The following BCAT1 variants were observed in gnomAD, a reference collection of about 807,000 sequenced individuals.
The protein encoded by BCAT1 is branched chain amino acid transaminase 1.
BCAT1 carries 48 observed loss-of-function variants against 52.4 expected under a neutral mutation model. The observed-to-expected ratio is 0.92, with a 90% CI of 0.73 to 1.16. The LOEUF (loss-of-function observed/expected upper bound fraction) is 1.16, where lower values mean the gene tolerates loss of function less well. BCAT1 is among the 50% of genes most tolerant of loss of function. The pLI, the probability that BCAT1 is intolerant of heterozygous loss-of-function variation, is 0.00. For synonymous variants in BCAT1, 167 were observed against 161.3 expected, an observed-to-expected ratio of 1.04 and a Z score of -0.27; for missense variants, 451 against 457.1, an observed-to-expected ratio of 0.99 and a Z score of 0.12.
rs74808230 is a variant in BCAT1 at position 24,948,243 on chromosome 12, A to G, written c.6+684T>C. Among the ~76,000 whole-genome samples, 11 of 152,374 alleles carry G rather than the reference A, an allele frequency of 7.2e-5. No individual in the cohort carries two copies. In the East Asian group the frequency reaches 1.9e-3, roughly 27 times the overall value. ...TCCAGTGTGTGAAACTAGGAAAACA[A>G]AACACTCAACGGTGTACATCCCTAC... is the stretch of plus-strand genomic sequence containing the variant. On this transcript the variant is annotated intron_variant, in intron 1 of 10. Transcript: ENST00000261192.
At chr12:24,848,780 T>C (rs1428224935) in intron 6 of BCAT1, among the ~76,000 whole-genome samples, 1 of 152,228 alleles carries the variant, frequency 6.6e-6, no homozygotes, top group Non-Finnish European at 1.5e-5. Context: ...GAGAATAGAC[T>C]TCCTAGTTTT....
intron 1 of BCAT1, among the ~76,000 whole-genome samples, chr12:24,945,082 T>C (rs979355683): frequency 6.6e-6 from 1 of 152,236 alleles, no homozygotes; most frequent in African/African-American, 2.4e-5. Flanking sequence ...ATATGAGTAC[T>C]CAATTTTTAG....
rs1939785343 is a variant in BCAT1 at position 24,814,049 on chromosome 12, C to T, written c.*3959G>A. On this transcript the variant is annotated 3_prime_UTR_variant, in exon 11 of 11. Coordinates refer to ENST00000261192, the MANE Select transcript of BCAT1 (RefSeq NM_005504.7). ...TTGAAAAGCTGGTACCCTTTGCCTC[C>T]TTTTGTGGGGAGATATCTGGAAAAT... is the stretch of plus-strand genomic sequence containing the variant. 1 of 152,088 alleles carries T rather than the reference C, an allele frequency of 6.6e-6. No homozygotes were observed. The highest frequency in any genetic ancestry group is 2.4e-5 in the African/African-American group (1 of 41,428). 9.4% of individuals were successfully genotyped at this position (152,088 alleles called of 1,614,324 possible). A position where few individuals can be genotyped will look rare whatever the true frequency, so the allele number is the denominator to read the frequency against.
At chr12:24,910,921 T>A (rs1943314368) in intron 1 of BCAT1, among the ~76,000 whole-genome samples, 1 of 152,164 alleles carries the variant, frequency 6.6e-6, no homozygotes, top group South Asian at 2.1e-4. Context: ...CTGGCCAACA[T>A]GGTAAAACCC....
intron 10 of BCAT1, among the ~76,000 whole-genome samples, chr12:24,820,833 C>T (rs939229008): frequency 1.3e-5 from 2 of 152,054 alleles, no homozygotes; most frequent in Admixed American, 6.6e-5. Context: ...TACGGCTTTG[C>T]TAAATGCCTT....
intron 8 of BCAT1, among the ~76,000 whole-genome samples, chr12:24,835,916 T>C (rs1477215617): frequency 2.0e-5 from 3 of 152,198 alleles, no homozygotes; most frequent in Non-Finnish European, 4.4e-5. Flanking sequence ...TATGCTTGCC[T>C]GTGTCACACG....
At chr12:24,949,171 TC>T (rs1403239561), upstream of BCAT1, 3 of 537,348 alleles carry the variant, frequency 5.6e-6, no homozygotes, top group Non-Finnish European at 9.9e-6. Flanking sequence ...CTAAGGCTGC[TC>T]CCCCAGGCCG....
chr12:24,856,225 G>A (rs187806553), intron 5 of BCAT1, among the ~76,000 whole-genome samples: 6 of 152,256 alleles, frequency 3.9e-5, no homozygotes, highest in South Asian at 4.1e-4. Flanking sequence ...GGATGATAGA[G>A]CTTACTGCAC....
chr12:24,941,156 G>A (rs534210311), intron 1 of BCAT1, among the ~76,000 whole-genome samples: 189 of 152,242 alleles, frequency 1.2e-3, no homozygotes, highest in Non-Finnish European at 2.3e-3. Context: ...TGTTCATTAC[G>A]ATTTTTGTGG....
intron 1 of BCAT1, chr12:24,902,948 T>C (rs892319844): frequency 6.6e-7 from 1 of 1,509,730 alleles, no homozygotes; most frequent in Admixed American, 2.0e-5. Flanking sequence ...TCGAGGTACC[T>C]GGCGGGCAAG....
At chr12:24,892,093 T>TGTTTTGTTTTGTTTC (rs1555112478) in intron 3 of BCAT1, among the ~76,000 whole-genome samples, 6 of 150,718 alleles carry the variant, frequency 4.0e-5, no homozygotes, top group Admixed American at 6.6e-5. Flanking sequence ...TGTTTTGTTT[T>TGTTTTGTTTTGTTTC]GTTTCAATAG....
intron 1 of BCAT1, among the ~76,000 whole-genome samples, chr12:24,930,721 T>G (rs1006183485): frequency 1.3e-5 from 2 of 152,142 alleles, no homozygotes; most frequent in Non-Finnish European, 2.9e-5. Context: ...CTTATTTCCT[T>G]TCTGTTCAAT....
intron 5 of BCAT1, among the ~76,000 whole-genome samples, chr12:24,857,382 G>C (rs1565466384): frequency 6.6e-6 from 1 of 152,180 alleles, no homozygotes; most frequent in Non-Finnish European, 1.5e-5. Context: ...TTTTGGTAAA[G>C]TTCAAAAGCC....
At chr12:24,898,593 G>A (rs1221069937) in intron 2 of BCAT1, among the ~76,000 whole-genome samples, 2 of 131,002 alleles carry the variant, frequency 1.5e-5, no homozygotes, top group African/African-American at 2.9e-5. Flanking sequence ...TCGGCTCGCT[G>A]CAACCTCCGC....
At chr12:24,865,044 C>A (rs776103648) in intron 5 of BCAT1, among the ~76,000 whole-genome samples, 6 of 152,204 alleles carry the variant, frequency 3.9e-5, no homozygotes, top group Non-Finnish European at 7.3e-5. Flanking sequence ...CTTCTAAATG[C>A]TGACCTGCCC....
rs1265190537 is a variant in BCAT1 at position 24,836,561 on chromosome 12, T to C, written c.853A>G (p.Ile285Val). Residue 285 changes from isoleucine to valine, a missense_variant, in exon 8 of 11, where the codon ATT becomes GTT. Coordinates refer to ENST00000261192, the MANE Select transcript of BCAT1 (RefSeq NM_005504.7). ...CACCGCCTTGTCACTCCTGGAAGAA[T>C]GATGCCATCTAGTGGAGGAGTTGCC... is the stretch of plus-strand genomic sequence containing the variant. ...ELATPPLDGI[I>V]LPGVTRRCIL... The C allele has an allele frequency of 1.2e-6, 2 of 1,613,134 alleles. No individual in the cohort carries two copies. Among genetic ancestry groups the C allele is most frequent in the South Asian group, 1.1e-5 (1 of 90,742 alleles).
At chr12:24,948,116 T>C (rs1486328625) in intron 1 of BCAT1, among the ~76,000 whole-genome samples, 3 of 152,344 alleles carry the variant, frequency 2.0e-5, no homozygotes, top group Admixed American at 6.5e-5. Flanking sequence ...GATTGCATTA[T>C]GGTCATCTCA....
chr12:24,846,514 C>T (rs1280658912), intron 6 of BCAT1, among the ~76,000 whole-genome samples: 1 of 152,122 alleles, frequency 6.6e-6, no homozygotes, highest in Non-Finnish European at 1.5e-5. Context: ...GGAGAATAGA[C>T]ATATTAAATA....
intron 5 of BCAT1, among the ~76,000 whole-genome samples, chr12:24,854,909 T>C (rs1941625200): frequency 6.6e-6 from 1 of 152,094 alleles, no homozygotes; most frequent in Non-Finnish European, 1.5e-5. Context: ...AACTGGTATC[T>C]AGCTTTCTTC....
Sources: allele counts gnomAD v4.1 joint callset (sites outside exome capture counted in the v4.1 genomes callset), GRCh38; gene constraint gnomAD v4.1.1; transcripts MANE v1.5; gene names NCBI Gene and HGNC (gene_info 2026-07-23, HGNC 2026-07-21).